Variants in CTNNA3 observed in about 807,000 individuals in gnomAD.
CTNNA3 encodes catenin alpha-3.
Under a neutral mutation model 95.7 loss-of-function variants are expected in CTNNA3, and 76 were observed. The ratio of observed to expected loss-of-function variants is 0.79; its 90% CI spans 0.66 to 0.96. The LOEUF (loss-of-function observed/expected upper bound fraction) is 0.96, where lower values mean the gene tolerates loss of function less well. CTNNA3 is among the 40% of genes least tolerant of loss of function. The probability of loss-of-function intolerance (pLI) is 0.00; values close to 1 mark genes in which losing one functional copy is unlikely to be tolerated. For missense variants in CTNNA3, 1,191 were observed against 1,089.8 expected, an observed-to-expected ratio of 1.09 and a Z score of -1.31; for synonymous variants, 431 against 374.4, an observed-to-expected ratio of 1.15 and a Z score of -1.74.
intron 5 of CTNNA3, among the ~76,000 whole-genome samples, chr10:67,263,973 G>A (rs897654318): frequency 5.3e-5 from 8 of 151,830 alleles, no homozygotes; most frequent in Non-Finnish European, 7.4e-5. Context: ...GTTTGATAAC[G>A]TCAGCTTTTT....
intron 4 of CTNNA3, among the ~76,000 whole-genome samples, chr10:67,522,239 G>A (rs895091527): frequency 5.3e-5 from 8 of 151,936 alleles, no homozygotes; most frequent in Non-Finnish European, 1.0e-4. Flanking sequence ...AAATAAAAAA[G>A]AAAGTTCATC....
chr10:66,144,563 C>A (rs962553824), intron 13 of CTNNA3, among the ~76,000 whole-genome samples: 7 of 152,066 alleles, frequency 4.6e-5, no homozygotes, highest in African/African-American at 1.7e-4. Flanking sequence ...TCTCCGCTCA[C>A]TGCAACCTCT....
chr10:67,126,266 C>T (rs1040166005), intron 7 of CTNNA3, among the ~76,000 whole-genome samples: 12 of 152,096 alleles, frequency 7.9e-5, no homozygotes, highest in Admixed American at 3.3e-4. Flanking sequence ...TGGTGGCTCA[C>T]GCCTGTAATC....
In CTNNA3 at chr10:66,953,749, G is replaced by A. The variant is rs531655035; in HGVS notation, c.1048-178225C>T. On this transcript the variant is annotated intron_variant, in intron 7 of 17. Coordinates refer to ENST00000433211, the MANE Select transcript of CTNNA3 (RefSeq NM_013266.4). ...ATATGTTTTATGACATGCTGACACT[G>A]TCCTCCTAAGATAATATTAGATGAT... 2.6e-5 allele frequency among the ~76,000 whole-genome samples: 4 copies of A among 152,150 alleles called. No homozygotes were observed. The South Asian group carries it at 8.3e-4, about 32-fold the overall frequency.
chr10:67,015,673 A>G (rs1322881395), intron 7 of CTNNA3, among the ~76,000 whole-genome samples: 1 of 152,088 alleles, frequency 6.6e-6, no homozygotes. Context: ...CAGAGTATGA[A>G]CTTCAATTTG....
intron 1 of CTNNA3, among the ~76,000 whole-genome samples, chr10:67,711,854 A>C (rs1408761439): frequency 6.6e-6 from 1 of 150,380 alleles, no homozygotes; most frequent in East Asian, 2.0e-4. Context: ...TGTTCTTGCG[A>C]TAGTTTACTG....
chr10:67,009,467 T>C (rs1196872549), intron 7 of CTNNA3, among the ~76,000 whole-genome samples: 2 of 152,140 alleles, frequency 1.3e-5, no homozygotes, highest in African/African-American at 4.8e-5. Flanking sequence ...CATAACCTCT[T>C]TCATCTGTTT....
In CTNNA3 at chr10:67,229,741, T is replaced by C. The variant is rs1277885996; in HGVS notation, c.580-9871A>G. Among the ~76,000 whole-genome samples the C allele has an allele frequency of 2.0e-5, 3 of 151,694 alleles. No homozygotes were observed. In the South Asian group the frequency reaches 6.3e-4, roughly 32 times the overall value. ...AATTGCTGCAAAAAATAAAATAAAA[T>C]AAAATACCTAGGAATATACCTAACA... On this transcript the variant is annotated intron_variant, in intron 5 of 17. Transcript: ENST00000433211.
At chr10:67,688,886 T>C (rs1564830096) in intron 1 of CTNNA3, among the ~76,000 whole-genome samples, 1 of 152,168 alleles carries the variant, frequency 6.6e-6, no homozygotes, top group African/African-American at 2.4e-5. Flanking sequence ...ATCAGAATAG[T>C]TGTGCTCACC....
chr10:67,465,208 G>C (rs529061183), intron 5 of CTNNA3, among the ~76,000 whole-genome samples: 1 of 151,740 alleles, frequency 6.6e-6, no homozygotes, highest in Admixed American at 6.6e-5. Flanking sequence ...TTTATAAAAG[G>C]ACCCTGTTTT....
intron 13 of CTNNA3, among the ~76,000 whole-genome samples, chr10:66,105,618 G>T (rs899714257): frequency 6.6e-6 from 1 of 152,118 alleles, no homozygotes; most frequent in Non-Finnish European, 1.5e-5. Flanking sequence ...TTTTTGTTGG[G>T]GATGCTGTAC....
chr10:66,541,014 C>T (rs117447339), intron 10 of CTNNA3, among the ~76,000 whole-genome samples: 3,626 of 152,058 alleles, frequency 0.024, 92 homozygotes, highest in East Asian at 0.058. Context: ...GGAATATTTG[C>T]GGAATCTGAT....
intron 11 of CTNNA3, among the ~76,000 whole-genome samples, chr10:66,444,858 A>G (rs1378807298): frequency 6.6e-6 from 1 of 152,232 alleles, no homozygotes; most frequent in Non-Finnish European, 1.5e-5. Context: ...TAAATGCTCC[A>G]ATTAAAAGAC....
At chr10:66,350,294 A>G (rs1317999491) in intron 12 of CTNNA3, among the ~76,000 whole-genome samples, 1 of 152,132 alleles carries the variant, frequency 6.6e-6, no homozygotes, top group Non-Finnish European at 1.5e-5. Flanking sequence ...AGGACAGAGA[A>G]GGGAAAGGAA....
At chr10:66,082,117 A>AAAAAAT (rs1412471673) in intron 14 of CTNNA3, among the ~76,000 whole-genome samples, 3 of 152,030 alleles carry the variant, frequency 2.0e-5, no homozygotes, top group Non-Finnish European at 4.4e-5. Context: ...AACTCTGGCA[A>AAAAAAT]AAAAATAAAA....
intron 2 of CTNNA3, among the ~76,000 whole-genome samples, chr10:67,620,370 C>G (rs116758915): frequency 0.013 from 1,906 of 152,278 alleles, 50 homozygotes; most frequent in African/African-American, 0.043. Flanking sequence ...AAGGTCACCA[C>G]ATGGGTCCAA....
chr10:66,314,426 A>T (rs893741736), intron 12 of CTNNA3, among the ~76,000 whole-genome samples: 1 of 150,498 alleles, frequency 6.6e-6, no homozygotes, highest in Non-Finnish European at 1.5e-5. Context: ...TGTGGAAAAC[A>T]TCTGTGTGAT....
At chr10:66,403,019 C>A (rs1318034765) in intron 11 of CTNNA3, among the ~76,000 whole-genome samples, 1 of 152,118 alleles carries the variant, frequency 6.6e-6, no homozygotes, top group Non-Finnish European at 1.5e-5. Context: ...CTGCCTTAAC[C>A]AATTGCAAAT....
chr10:67,577,534 G>A (rs1048776371), intron 3 of CTNNA3, among the ~76,000 whole-genome samples: 26 of 151,994 alleles, frequency 1.7e-4, no homozygotes, highest in Admixed American at 8.5e-4. Context: ...AGTTTAATTA[G>A]ATCCCATTTG....
Sources: gnomAD v4.1 joint callset for allele counts (sites outside exome capture counted in the v4.1 genomes callset) on GRCh38, gnomAD v4.1.1 for gene constraint, MANE v1.5 for transcripts, NCBI Gene and HGNC (gene_info 2026-07-23, HGNC 2026-07-21) for gene names.